The following IGSF10 variants were observed in gnomAD, a reference collection of about 807,000 sequenced individuals.
IGSF10 encodes immunoglobulin superfamily member 10.
In IGSF10, 126 loss-of-function variants were observed where a neutral mutation model predicts 128.2. The ratio of observed to expected loss-of-function variants is 0.98; its 90% CI spans 0.85 to 1.14. IGSF10 has a LOEUF of 1.14. IGSF10 is among the 50% of genes most tolerant of loss of function. IGSF10 has a pLI of 0.00. For synonymous variants in IGSF10, 1,185 were observed against 1,146.2 expected, an observed-to-expected ratio of 1.03 and a Z score of -0.68; for missense variants, 3,295 against 3,149.8, an observed-to-expected ratio of 1.05 and a Z score of -1.10.
At chr3:151,511,367 G>C in the IGSF10 span, among the ~76,000 whole-genome samples, 5 of 152,112 alleles carry the variant, frequency 3.3e-5, no homozygotes. Flanking sequence ...GCCAAAATAA[G>C]CTTCATAAGT....
the IGSF10 span, among the ~76,000 whole-genome samples, chr3:151,616,611 T>C: frequency 6.6e-6 from 1 of 152,158 alleles, no homozygotes; most frequent in Non-Finnish European, 1.5e-5. Context: ...TTTGGGCACA[T>C]AAAAGTTAAA....
chr3:151,473,855 G>A, the IGSF10 span, among the ~76,000 whole-genome samples: 2 of 151,964 alleles, frequency 1.3e-5, no homozygotes, highest in Non-Finnish European at 2.9e-5. Flanking sequence ...AGCTTCCCCT[G>A]AAAATTCTCA....
At chr3:151,574,998 G>T in the IGSF10 span, among the ~76,000 whole-genome samples, 1 of 152,190 alleles carries the variant, frequency 6.6e-6, no homozygotes, top group Admixed American at 6.5e-5. Flanking sequence ...GTCTGTTGGT[G>T]TTTGCTGGAG....
the IGSF10 span, among the ~76,000 whole-genome samples, chr3:151,487,707 A>G: frequency 6.6e-6 from 1 of 152,250 alleles, no homozygotes. Context: ...AATCCATCAC[A>G]TAAACAGAAC....
At chr3:151,575,516 T>C in the IGSF10 span, among the ~76,000 whole-genome samples, 2 of 152,152 alleles carry the variant, frequency 1.3e-5, no homozygotes, top group Admixed American at 6.5e-5. Flanking sequence ...TCCATGGGCA[T>C]AGGACCCACT....
At chr3:151,460,498 TC>T (rs1176310398) in intron 1 of IGSF10, among the ~76,000 whole-genome samples, 151 bp from the exon 2 acceptor site, 1 of 152,262 alleles carries the variant, frequency 6.6e-6, no homozygotes, top group Non-Finnish European at 1.5e-5. Flanking sequence ...CCAGAAGCGT[TC>T]TTTTATTATG....
At chr3:151,506,175 G>T in the IGSF10 span, among the ~76,000 whole-genome samples, 9 of 152,036 alleles carry the variant, frequency 5.9e-5, no homozygotes, top group East Asian at 1.9e-4. Flanking sequence ...GGATGGTCTC[G>T]ATCTCCTGAC....
chr3:151,444,406 C>T (rs1227470524), intron 6 of IGSF10, among the ~76,000 whole-genome samples: 3 of 152,298 alleles, frequency 2.0e-5, no homozygotes, highest in Admixed American at 6.5e-5. Context: ...CTCCCAGGTT[C>T]GAGCAATTCT....
chr3:151,444,787 G>T, intron 6 of IGSF10, 132 bp downstream of exon 6: 1 of 747,944 alleles, frequency 1.3e-6, no homozygotes, highest in South Asian at 2.0e-5. Flanking sequence ...GTCAAATGAG[G>T]ATATTAATAG....
chr3:151,508,841 A>C, the IGSF10 span, among the ~76,000 whole-genome samples: 1 of 152,168 alleles, frequency 6.6e-6, no homozygotes, highest in Non-Finnish European at 1.5e-5. Context: ...ATTTTAATGA[A>C]CGTTATTATA....
chr3:151,503,639 C>T, the IGSF10 span, among the ~76,000 whole-genome samples: 1 of 152,122 alleles, frequency 6.6e-6, no homozygotes, highest in Admixed American at 6.6e-5. Flanking sequence ...GTTCTCCTTT[C>T]CCACTGCTCA....
At chr3:151,540,054 A>G in the IGSF10 span, among the ~76,000 whole-genome samples, 2 of 152,146 alleles carry the variant, frequency 1.3e-5, no homozygotes, top group Admixed American at 6.6e-5. Context: ...GTGAAAGAAG[A>G]CTTTCTAAAT....
the IGSF10 span, among the ~76,000 whole-genome samples, chr3:151,480,183 T>G: frequency 2.6e-5 from 4 of 152,086 alleles, no homozygotes; most frequent in Non-Finnish European, 5.9e-5. Context: ...ACAACTATAT[T>G]TTGACCAAAA....
At chr3:151,433,814 T>C (rs1324008766), downstream of IGSF10, 1 of 152,678 alleles carries the variant, frequency 6.5e-6, no homozygotes, top group East Asian at 1.9e-4. Flanking sequence ...TATTTGCTCT[T>C]TTGAATTTAA....
At chr3:151,571,930 A>C in the IGSF10 span, among the ~76,000 whole-genome samples, 11 of 152,338 alleles carry the variant, frequency 7.2e-5, no homozygotes, top group African/African-American at 2.6e-4. Flanking sequence ...TTTAGCATGA[A>C]GGGCTGTTGA....
chr3:151,512,852 T>C, the IGSF10 span, among the ~76,000 whole-genome samples: 2 of 152,118 alleles, frequency 1.3e-5, no homozygotes, highest in East Asian at 1.9e-4. Context: ...GCAAATAAAC[T>C]ACAAAATCTA....
chr3:151,554,298 C>G, the IGSF10 span, among the ~76,000 whole-genome samples: 2 of 151,980 alleles, frequency 1.3e-5, no homozygotes, highest in Non-Finnish European at 2.9e-5. Context: ...TGTATTTTAA[C>G]TCTAAAAATA....
the IGSF10 span, among the ~76,000 whole-genome samples, chr3:151,556,651 T>C: frequency 2.0e-5 from 3 of 152,242 alleles, no homozygotes; most frequent in Admixed American, 2.0e-4. Context: ...AAGATTTCAG[T>C]ACATAGCACT....
the IGSF10 span, among the ~76,000 whole-genome samples, chr3:151,558,027 A>ATTATATATAATATATATATATAT: frequency 7.6e-5 from 4 of 52,916 alleles, no homozygotes; most frequent in Non-Finnish European, 1.3e-4. Flanking sequence ...TAATATATAT[A>ATTATATATAATATATATATATAT]TTGGTACAAT....
Sources: gnomAD v4.1 joint callset for allele counts (sites outside exome capture counted in the v4.1 genomes callset) on GRCh38, gnomAD v4.1.1 for gene constraint, MANE v1.5 for transcripts, NCBI Gene and HGNC (gene_info 2026-07-23, HGNC 2026-07-21) for gene names.